CORO2B: variants seen among roughly 807,000 people sequenced by gnomAD.
CORO2B encodes the protein coronin 2B.
CORO2B carries 26 observed loss-of-function variants against 58.8 expected under a neutral mutation model. That is an observed-to-expected ratio of 0.44 (90% CI 0.32 to 0.61). The LOEUF is 0.61. CORO2B is among the 20% of genes least tolerant of loss of function. CORO2B has a pLI of 0.04. For missense variants in CORO2B, 460 were observed against 645.1 expected (o/e 0.71, Z 3.11); for synonymous variants, 242 against 253.8 (o/e 0.95, Z 0.44).
At chr15:68,571,653 A>G in the CORO2B span, among the ~76,000 whole-genome samples, 2 of 152,248 alleles carry the variant, frequency 1.3e-5, no homozygotes, top group African/African-American at 4.8e-5. Flanking sequence ...CAAATTGTTT[A>G]TATAGACACA....
intron 3 of CORO2B, among the ~76,000 whole-genome samples, chr15:68,698,016 A>T (rs149284011): frequency 1.1e-3 from 169 of 152,190 alleles, no homozygotes; most frequent in Middle Eastern, 6.8e-3. Context: ...GCCAGCAGGT[A>T]GTAGCCCCTG....
chr15:68,665,316 T>C (rs1003918336), intron 2 of CORO2B, among the ~76,000 whole-genome samples: 3 of 152,196 alleles, frequency 2.0e-5, no homozygotes, highest in Admixed American at 6.5e-5. Flanking sequence ...TTTTACAGAC[T>C]GTCCATTATT....
chr15:68,608,116 T>C (rs1484668098), intron 1 of CORO2B, among the ~76,000 whole-genome samples: 1 of 152,248 alleles, frequency 6.6e-6, no homozygotes, highest in Non-Finnish European at 1.5e-5. Flanking sequence ...ATCCCACCTT[T>C]CCTGCTACCT....
At chr15:68,610,546 C>T (rs1900225114) in intron 1 of CORO2B, among the ~76,000 whole-genome samples, 1 of 152,134 alleles carries the variant, frequency 6.6e-6, no homozygotes, top group Admixed American at 6.5e-5. Context: ...CTCCTGTTCT[C>T]CCATCCTTCC....
At chr15:68,572,751 C>A in the CORO2B span, among the ~76,000 whole-genome samples, 1 of 152,140 alleles carries the variant, frequency 6.6e-6, no homozygotes, top group African/African-American at 2.4e-5. Flanking sequence ...AAATTTAGAT[C>A]CTAAACGACT....
In CORO2B at chr15:68,645,125, C is replaced by A; in HGVS notation, c.16-35C>A. The A allele has an allele frequency of 1.9e-6, 3 of 1,606,634 alleles. No homozygotes were observed. Among genetic ancestry groups the A allele is most frequent in the Non-Finnish European group, 2.6e-6 (3 of 1,176,110 alleles). On this transcript the variant is annotated intron_variant, in intron 1 of 11. Transcript: ENST00000261861. This position sits in a 1 kb window ranked among gnomAD's most constrained non-coding sequence, Gnocchi z 4.5. ...GCCGAGGCCCTTCATGGCACAGGGC[C>A]CAGCCTGACCCTTGTCTCTCCTGGC...
At chr15:68,701,610 C>T (rs1298315667) in intron 3 of CORO2B, among the ~76,000 whole-genome samples, 3 of 150,004 alleles carry the variant, frequency 2.0e-5, no homozygotes, top group East Asian at 2.0e-4. Context: ...CTCAGCCTCC[C>T]GTGTAGCTGG....
intron 11 of CORO2B, among the ~76,000 whole-genome samples, chr15:68,721,599 A>C (rs1163999779): frequency 6.6e-6 from 1 of 152,122 alleles, no homozygotes; most frequent in Non-Finnish European, 1.5e-5. Flanking sequence ...CCAGCTGCTC[A>C]AGTGGCTGAG....
In CORO2B at chr15:68,659,806, C is replaced by T. The variant is rs147973532; in HGVS notation, c.216+14446C>T. Among the ~76,000 whole-genome samples the T allele has an allele frequency of 3.1e-3, 477 of 152,216 alleles. 15 individuals carry two copies. In the East Asian group the frequency reaches 0.081, roughly 26 times the overall value. On this transcript the variant is annotated intron_variant, in intron 2 of 11. Coordinates refer to ENST00000261861, the MANE Select transcript of CORO2B (RefSeq NM_006091.5). ...AAAATTAGCCAGGTGTGGTGGTGCA[C>T]GCCTGTAGTCCCAGCTACTCAGAAG... is the stretch of plus-strand genomic sequence containing the variant.
intron 2 of CORO2B, among the ~76,000 whole-genome samples, chr15:68,673,895 GACTA>G (rs1902487742): frequency 1.3e-5 from 2 of 150,884 alleles, no homozygotes; most frequent in South Asian, 4.2e-4. Context: ...CACCGTGGGT[GACTA>G]ACTAGGAAAG....
chr15:68,532,857 A>G, the CORO2B span, among the ~76,000 whole-genome samples: 1 of 152,182 alleles, frequency 6.6e-6, no homozygotes, highest in Non-Finnish European at 1.5e-5. Context: ...TGGGCAATCA[A>G]TAAGAACTTT....
the CORO2B span, among the ~76,000 whole-genome samples, chr15:68,538,855 G>A: frequency 2.6e-5 from 4 of 152,122 alleles, no homozygotes; most frequent in African/African-American, 9.7e-5. Context: ...ATGGATCTGG[G>A]TCTCACTTTA....
intron 1 of CORO2B, among the ~76,000 whole-genome samples, chr15:68,584,532 A>G (rs1241027318): frequency 6.6e-6 from 1 of 151,830 alleles, no homozygotes; most frequent in African/African-American, 2.4e-5. Flanking sequence ...GAGTTTTTCC[A>G]CTTCTCTCCC....
At chr15:68,652,918 A>G (rs569097032) in intron 2 of CORO2B, among the ~76,000 whole-genome samples, 1 of 152,160 alleles carries the variant, frequency 6.6e-6, no homozygotes, top group Non-Finnish European at 1.5e-5. Context: ...TTGTATTACT[A>G]TTACTGCCAT....
chr15:68,648,379 G>A (rs1455725063), intron 2 of CORO2B, among the ~76,000 whole-genome samples: 2 of 151,716 alleles, frequency 1.3e-5, no homozygotes, highest in Non-Finnish European at 2.9e-5. Flanking sequence ...GGGTGCAGTG[G>A]CTCACGCCTG....
At chr15:68,679,695 C>T (rs1902708550) in intron 2 of CORO2B, among the ~76,000 whole-genome samples, 1 of 152,152 alleles carries the variant, frequency 6.6e-6, no homozygotes, top group Non-Finnish European at 1.5e-5. Flanking sequence ...ACCCTGACTT[C>T]TAGGGGTTCG....
chr15:68,553,409 T>C, the CORO2B span, among the ~76,000 whole-genome samples: 2 of 151,960 alleles, frequency 1.3e-5, no homozygotes, highest in Non-Finnish European at 2.9e-5. Flanking sequence ...GATGTGATGA[T>C]GGAAGTGAAG....
intron 2 of CORO2B, among the ~76,000 whole-genome samples, chr15:68,671,187 A>G (rs1347604419): frequency 6.6e-6 from 1 of 152,236 alleles, no homozygotes. Flanking sequence ...CCAGCTGGGC[A>G]TAAAATGGAG....
chr15:68,662,351 G>A (rs761770412), intron 2 of CORO2B, among the ~76,000 whole-genome samples: 10 of 152,190 alleles, frequency 6.6e-5, no homozygotes, highest in Non-Finnish European at 1.3e-4. Flanking sequence ...TTTTCACAAT[G>A]AGATAAGGTA....
Sources: allele counts gnomAD v4.1 joint callset (sites outside exome capture counted in the v4.1 genomes callset), GRCh38; gene constraint gnomAD v4.1.1; non-coding constraint Gnocchi (gnomAD v3.1); transcripts MANE v1.5; gene names NCBI Gene and HGNC (gene_info 2026-07-23, HGNC 2026-07-21).